The following RARB variants were observed in gnomAD, a reference collection of about 807,000 sequenced individuals.
RARB encodes the protein HBV-activated protein.
RARB carries 17 observed loss-of-function variants against 51.9 expected under a neutral mutation model. That is an observed-to-expected ratio of 0.33 (90% CI 0.22 to 0.49). RARB has a LOEUF of 0.49. Ranked by LOEUF, RARB falls within the 20% of genes least tolerant of loss-of-function variation. The pLI, the probability that RARB is intolerant of heterozygous loss-of-function variation, is 0.99. For synonymous variants in RARB, 215 were observed against 195.4 expected, an observed-to-expected ratio of 1.10 and a Z score of -0.84; for missense variants, 369 against 550.8, an observed-to-expected ratio of 0.67 and a Z score of 3.30.
At chr3:25,013,192 C>A (rs528462803) in intron 2 of RARB, among the ~76,000 whole-genome samples, 57 of 152,080 alleles carry the variant, frequency 3.7e-4, no homozygotes, top group Admixed American at 6.6e-4. Flanking sequence ...TACATTAGGT[C>A]TGGAGTCAAC....
chr3:25,453,576 G>A (rs1342162826), intron 1 of RARB, among the ~76,000 whole-genome samples: 3 of 152,070 alleles, frequency 2.0e-5, no homozygotes, highest in Admixed American at 2.0e-4. Context: ...TCCAGGTGAT[G>A]CTGATGCTGC....
chr3:25,201,160 G>T (rs1285932851), intron 5 of RARB, among the ~76,000 whole-genome samples: 2 of 151,926 alleles, frequency 1.3e-5, no homozygotes, highest in East Asian at 1.9e-4. Context: ...CTTGTAAGTT[G>T]TGTTCCTGGG....
intron 3 of RARB, among the ~76,000 whole-genome samples, chr3:25,102,693 A>T (rs113492521): frequency 3.9e-4 from 60 of 152,252 alleles, no homozygotes; most frequent in African/African-American, 1.3e-3. Context: ...TATGAAAGAG[A>T]CATTTTGGTA....
chr3:25,293,756 T>C (rs1366776259), intron 5 of RARB, among the ~76,000 whole-genome samples: 1 of 152,018 alleles, frequency 6.6e-6, no homozygotes, highest in Admixed American at 6.6e-5. Context: ...GCTAAAAAGG[T>C]GGTATGTGTT....
intron 4 of RARB, among the ~76,000 whole-genome samples, chr3:25,573,020 C>T (rs1242796360): frequency 1.3e-5 from 2 of 152,124 alleles, no homozygotes; most frequent in Non-Finnish European, 1.5e-5. Flanking sequence ...CTCCTGCGAG[C>T]GGTCCCTCAC....
At chr3:25,346,357 G>A (rs540414546) in intron 5 of RARB, among the ~76,000 whole-genome samples, 14 of 152,248 alleles carry the variant, frequency 9.2e-5, no homozygotes, top group African/African-American at 3.1e-4. Flanking sequence ...TATTGTATTT[G>A]TGTCTTTTAT....
intron 3 of RARB, among the ~76,000 whole-genome samples, chr3:25,516,609 AG>A: frequency 6.8e-6 from 1 of 146,112 alleles, no homozygotes; most frequent in Non-Finnish European, 1.5e-5. Flanking sequence ...GATTTATCAA[AG>A]GTTCATCTTT....
chr3:25,133,889 GAAGTT>G (rs1699992005), intron 4 of RARB, among the ~76,000 whole-genome samples: 1 of 150,070 alleles, frequency 6.7e-6, no homozygotes, highest in South Asian at 2.1e-4. Context: ...ATCCAGCTGT[GAAGTT>G]AATTAAATAT....
At chr3:24,968,724 C>T (rs150754232) in intron 2 of RARB, among the ~76,000 whole-genome samples, 1 of 152,198 alleles carries the variant, frequency 6.6e-6, no homozygotes, top group African/African-American at 2.4e-5. Flanking sequence ...CAGGGCAAGT[C>T]CCAATGTGCA....
intron 3 of RARB, among the ~76,000 whole-genome samples, chr3:25,547,968 C>T (rs544334212): frequency 7.9e-5 from 12 of 152,104 alleles, no homozygotes; most frequent in African/African-American, 2.9e-4. Context: ...AGTAAAGAGA[C>T]ACATTGTGAT....
intron 3 of RARB, among the ~76,000 whole-genome samples, chr3:25,080,474 C>A (rs1480330562): frequency 6.6e-6 from 1 of 152,116 alleles, no homozygotes; most frequent in Non-Finnish European, 1.5e-5. Context: ...TTACATCTAC[C>A]TTTTGAGGAA....
intron 5 of RARB, among the ~76,000 whole-genome samples, chr3:25,389,424 T>C (rs116417820): frequency 0.013 from 1,974 of 152,290 alleles, 42 homozygotes; most frequent in African/African-American, 0.043. Flanking sequence ...CTGTGTGACT[T>C]TGAGGAAGTA....
intron 5 of RARB, among the ~76,000 whole-genome samples, chr3:25,336,103 C>T (rs1705055265): frequency 6.7e-6 from 1 of 149,556 alleles, no homozygotes; most frequent in Non-Finnish European, 1.5e-5. Flanking sequence ...ATGCTGTGAT[C>T]TTAAGAGGAA....
At chr3:24,912,954 T>TACGC (rs1005382794) in intron 2 of RARB, among the ~76,000 whole-genome samples, 1 of 147,112 alleles carries the variant, frequency 6.8e-6, no homozygotes, top group Non-Finnish European at 1.5e-5. Flanking sequence ...AAAGTGGCAA[T>TACGC]ACGCACACAA....
chr3:25,419,150 A>G (rs1437949991), intron 5 of RARB, among the ~76,000 whole-genome samples: 7 of 152,068 alleles, frequency 4.6e-5, no homozygotes, highest in Admixed American at 1.3e-4. Context: ...AGCAAGGCCT[A>G]TCTATTTAGG....
intron 3 of RARB, among the ~76,000 whole-genome samples, chr3:25,105,762 A>G (rs1428079325): frequency 6.6e-6 from 1 of 152,206 alleles, no homozygotes; most frequent in Non-Finnish European, 1.5e-5. Context: ...TCACAAATGC[A>G]CATTTGATGG....
intron 1 of RARB, among the ~76,000 whole-genome samples, chr3:25,431,720 C>G (rs969737575): frequency 6.6e-6 from 1 of 151,970 alleles, no homozygotes; most frequent in Admixed American, 6.6e-5. Flanking sequence ...CCCTACTCAA[C>G]ACATCAAAAG....
chr3:25,014,528 C>G (rs909385859), intron 2 of RARB, among the ~76,000 whole-genome samples: 5 of 152,104 alleles, frequency 3.3e-5, no homozygotes, highest in Non-Finnish European at 7.4e-5. Flanking sequence ...CTATTTTTGA[C>G]CTTCCAATTG....
At chr3:25,122,235 G>A (rs1263807846) in intron 3 of RARB, among the ~76,000 whole-genome samples, 1 of 152,050 alleles carries the variant, frequency 6.6e-6, no homozygotes, top group Non-Finnish European at 1.5e-5. Flanking sequence ...GTTGAGGTTG[G>A]TGGTATTTGA....
Sources: allele counts gnomAD v4.1 joint callset (sites outside exome capture counted in the v4.1 genomes callset), GRCh38; gene constraint gnomAD v4.1.1; transcripts MANE v1.5; gene names NCBI Gene and HGNC (gene_info 2026-07-23, HGNC 2026-07-21).